SEC61A2: variants seen among roughly 807,000 people sequenced by gnomAD.
SEC61A2 encodes protein transport protein Sec61 subunit alpha isoform 2.
A neutral mutation model predicts 59.9 loss-of-function variants in SEC61A2; 28 were observed. That is an observed-to-expected ratio of 0.47 (90% CI 0.35 to 0.64). The LOEUF is 0.64. Among genes scored for constraint, SEC61A2 ranks in the 30% least tolerant of loss-of-function variants. SEC61A2 has a pLI of 0.01. For missense variants in SEC61A2, 340 were observed against 585.9 expected, an observed-to-expected ratio of 0.58 and a Z score of 4.33; for synonymous variants, 202 against 214.4, an observed-to-expected ratio of 0.94 and a Z score of 0.50.
At chr10:12,135,765 G>T (rs977314013) in intron 2 of SEC61A2, among the ~76,000 whole-genome samples, 2 of 152,106 alleles carry the variant, frequency 1.3e-5, no homozygotes, top group Non-Finnish European at 2.9e-5. Context: ...CCTCCAGTTC[G>T]TTCCATCCAG....
intron 1 of SEC61A2, among the ~76,000 whole-genome samples, chr10:12,132,407 A>C (rs549373957): frequency 3.6e-4 from 54 of 152,072 alleles, no homozygotes; most frequent in Non-Finnish European, 5.6e-4. Context: ...TGACGTTAGG[A>C]GTTTGAGACA....
Position 12,164,784 on chromosome 10 carries a change from A to T in SEC61A2, c.*330A>T. 9.4e-7 allele frequency: 1 copy of T among 1,059,240 alleles called. No homozygotes were observed. Among genetic ancestry groups the T allele is most frequent in the Middle Eastern group, 4.4e-4 (1 of 2,262 alleles). 65.6% of individuals were successfully genotyped at this position (1,059,240 alleles called of 1,614,324 possible). On this transcript the variant is annotated 3_prime_UTR_variant, in exon 12 of 12. Transcript: ENST00000298428. This position sits in a 1 kb window ranked among gnomAD's most constrained non-coding sequence, Gnocchi z 7.3. ...TTGCACACAACATTCAAAACACTTC[A>T]TATTGCCCCCACTTGTTGAAAAATA... is the stretch of plus-strand genomic sequence containing the variant.
chr10:12,134,875 C>CGCCACTGCGCTGCAGCCTGG (rs540540035), intron 2 of SEC61A2, among the ~76,000 whole-genome samples: 32 of 151,162 alleles, frequency 2.1e-4, no homozygotes, highest in Admixed American at 1.6e-3. Flanking sequence ...GCCGAGACTG[C>CGCCACTGCGCTGCAGCCTGG]GCCACTGCGC....
In SEC61A2 at chr10:12,129,833, A is replaced by G. The variant is rs1198203337; in HGVS notation, c.7+39A>G. ...GCTGGAGCGGGGACTCTGGCTGGGA[A>G]CGCAGGCCCCGCCTGGGCTGCGGGC... On this transcript the variant is annotated intron_variant, in intron 1 of 11. Transcript: ENST00000298428. The surrounding 1 kb of genome is among the most constrained non-coding windows in gnomAD (Gnocchi z 5.6). The G allele has an allele frequency of 1.8e-5, 24 of 1,365,090 alleles. No homozygotes were observed. Among genetic ancestry groups the G allele is most frequent in the Admixed American group, 3.5e-5 (1 of 28,854 alleles). 84.6% of individuals were successfully genotyped at this position (1,365,090 alleles called of 1,614,324 possible).
chr10:12,139,161 C>T (rs1588632009), intron 3 of SEC61A2, among the ~76,000 whole-genome samples: 3 of 151,734 alleles, frequency 2.0e-5, no homozygotes, highest in African/African-American at 7.3e-5. Flanking sequence ...GGGGTTTTAC[C>T]ATGTTGGACA....
intron 3 of SEC61A2, among the ~76,000 whole-genome samples, chr10:12,136,919 C>T (rs1325622751): frequency 6.6e-6 from 1 of 152,172 alleles, no homozygotes; most frequent in African/African-American, 2.4e-5. Context: ...CGTGAGCCAC[C>T]ACGCCCAGCT....
intron 8 of SEC61A2, among the ~76,000 whole-genome samples, chr10:12,157,332 T>G (rs553497700): frequency 1.1e-4 from 17 of 152,132 alleles, no homozygotes; most frequent in African/African-American, 3.9e-4. Flanking sequence ...AGCATTGTCT[T>G]TTCTTTTCTT....
rs925339025 is a variant in SEC61A2, at chr10:12,156,214, A to G, written c.616+283A>G. 6.6e-6 allele frequency among the ~76,000 whole-genome samples: 1 copy of G among 152,228 alleles called. No homozygotes were observed. The highest frequency in any genetic ancestry group is 6.5e-5 in the Admixed American group (1 of 15,278). On this transcript the variant is annotated intron_variant, in intron 7 of 11. Transcript: ENST00000298428. The surrounding 1 kb of genome is among the most constrained non-coding windows in gnomAD (Gnocchi z 5.2). The stretch of plus-strand genomic sequence containing the variant: ...AACCTTGCTTAAGGCATTGCTGCAG[A>G]AGTCATTTATTTGACTGATTTCAGC...
intron 1 of SEC61A2, among the ~76,000 whole-genome samples, chr10:12,130,184 C>T (rs957029573): frequency 6.6e-6 from 1 of 152,146 alleles, no homozygotes; most frequent in Admixed American, 6.6e-5. Context: ...GAAAGCTCCC[C>T]TAACTCGTTT....
downstream of SEC61A2, chr10:12,166,423 G>A (rs1372558549): frequency 9.2e-6 from 2 of 217,978 alleles, no homozygotes; most frequent in Non-Finnish European, 1.9e-5. Context: ...CATGTATAGG[G>A]CTAGACAGCT....
chr10:12,142,662 A>T lies in SEC61A2; in HGVS notation c.142-455A>T, dbSNP rs1834047045. On this transcript the variant is annotated intron_variant, in intron 3 of 11. Transcript: ENST00000298428. This position sits in a 1 kb window ranked among gnomAD's most constrained non-coding sequence, Gnocchi z 5.4. The stretch of plus-strand genomic sequence containing the variant: ...TTCATCATTTTTAGATGTGCAGTTT[A>T]GTAACATTAGGAATGTTCACATTGT... 4.2e-6 allele frequency: 1 copy of T among 240,112 alleles called. No individual in the cohort carries two copies. The highest frequency in any genetic ancestry group is 1.5e-4 in the South Asian group (1 of 6,518). 14.9% of individuals were successfully genotyped at this position (240,112 alleles called of 1,614,324 possible).
At chr10:12,139,375 C>T (rs189468370) in intron 3 of SEC61A2, among the ~76,000 whole-genome samples, 233 of 151,870 alleles carry the variant, frequency 1.5e-3, no homozygotes, top group Admixed American at 3.3e-3. Flanking sequence ...TCTTGCCAGG[C>T]GCAGTGGCTC....
At position 12,152,924 on chromosome 10, in the gene SEC61A2, C is replaced by T. The variant is rs1166252223; in HGVS notation, c.463-2854C>T. Among the ~76,000 whole-genome samples, 2 of 151,342 alleles carry T rather than the reference C, an allele frequency of 1.3e-5. No homozygotes were observed. Among genetic ancestry groups the T allele is most frequent in the Admixed American group, 6.6e-5 (1 of 15,146 alleles). Reference sequence around the variant, plus strand: ...AACGACAAAAATTAGCCAGGCGTGGCGGTGTGTGCCTGTAATCCCAGCTAC... The same window carrying T: ...AACGACAAAAATTAGCCAGGCGTGGTGGTGTGTGCCTGTAATCCCAGCTAC... On this transcript the variant is annotated intron_variant, in intron 6 of 11. Transcript: ENST00000298428. The surrounding 1 kb of genome is among the most constrained non-coding windows in gnomAD (Gnocchi z 5.5).
chr10:12,148,543 C>CT (rs948632578), intron 4 of SEC61A2, among the ~76,000 whole-genome samples: 54 of 145,016 alleles, frequency 3.7e-4, no homozygotes, highest in African/African-American at 6.5e-4. Flanking sequence ...CCACACCCGG[C>CT]TTTTTTTTTT....
chr10:12,139,456 C>T (rs1457836984), intron 3 of SEC61A2, among the ~76,000 whole-genome samples: 1 of 150,914 alleles, frequency 6.6e-6, no homozygotes, highest in East Asian at 2.0e-4. Context: ...TTGAGACCAG[C>T]CTGACCAACA....
rs543435109 is a variant in SEC61A2 at position 12,132,473 on chromosome 10, G to A, written c.8-768G>A. On this transcript the variant is annotated intron_variant, in intron 1 of 11. Transcript: ENST00000298428. ...TAGTAAAAATAAAAAAATTAGCTGG[G>A]CTTGGTGGCACTCGCCTGTAATCCT... Among the ~76,000 whole-genome samples, 225 of 151,884 alleles carry A rather than the reference G, an allele frequency of 1.5e-3. 1 individual carries two copies. The highest frequency in any genetic ancestry group is 5.2e-3 in the African/African-American group (217 of 41,396).
In SEC61A2 at chr10:12,164,197, C is replaced by T; in HGVS notation, c.1245-71C>T. On this transcript the variant is annotated intron_variant, in intron 11 of 11. Transcript: ENST00000298428. The surrounding 1 kb of genome is among the most constrained non-coding windows in gnomAD (Gnocchi z 7.3). ...CCAGCTATGGCTGCTGCGCCTCGAC[C>T]TGTCTTCGTCTCTAGCTGCCGTGCT... The T allele has an allele frequency of 1.3e-6, 2 of 1,562,756 alleles. No individual in the cohort carries two copies. Among genetic ancestry groups the T allele is most frequent in the African/African-American group, 1.4e-5 (1 of 72,956 alleles).
downstream of SEC61A2, chr10:12,168,027 A>ATT (rs34620432): frequency 0.023 from 13,883 of 611,690 alleles, 14 homozygotes; most frequent in African/African-American, 0.028. This position sits in a 1 kb window ranked among gnomAD's most constrained non-coding sequence, Gnocchi z 4.8. Context: ...AGGGATAATG[A>ATT]TTTTTTTTTT....
rs1433247492 is a variant in SEC61A2, at chr10:12,164,760, T to G, written c.*306T>G. Reference sequence around the variant, plus strand: ...GTGAGACGGTGAGATGGATTCGTTTTGCACACAACATTCAAAACACTTCAT... The same window carrying G: ...GTGAGACGGTGAGATGGATTCGTTTGGCACACAACATTCAAAACACTTCAT... On this transcript the variant is annotated 3_prime_UTR_variant, in exon 12 of 12. Coordinates refer to ENST00000298428, the MANE Select transcript of SEC61A2 (RefSeq NM_018144.4). The surrounding 1 kb of genome is among the most constrained non-coding windows in gnomAD (Gnocchi z 7.3). The G allele has an allele frequency of 3.4e-5, 38 of 1,124,298 alleles. No homozygotes were observed. The highest frequency in any genetic ancestry group is 3.8e-5 in the Non-Finnish European group (35 of 918,730). 69.6% of individuals were successfully genotyped at this position (1,124,298 alleles called of 1,614,324 possible). A position where few individuals can be genotyped will look rare whatever the true frequency, so the allele number is the denominator to read the frequency against.
Sources: allele counts gnomAD v4.1 joint callset (sites outside exome capture counted in the v4.1 genomes callset), GRCh38; gene constraint gnomAD v4.1.1; non-coding constraint Gnocchi (gnomAD v3.1); transcripts MANE v1.5; gene names NCBI Gene and HGNC (gene_info 2026-07-23, HGNC 2026-07-21).